The following RGS22 variants were observed in gnomAD, a reference collection of about 807,000 sequenced individuals.
RGS22 encodes the protein regulator of G-protein signaling 22.
Under a neutral mutation model 172.9 loss-of-function variants are expected in RGS22, and 148 were observed. The observed-to-expected ratio is 0.86, with a 90% CI of 0.75 to 0.98. RGS22 has a LOEUF of 0.98. Ranked by LOEUF, RGS22 falls within the 50% of genes least tolerant of loss-of-function variation. RGS22 has a pLI of 0.00. For missense variants in RGS22, 1,347 were observed against 1,440.8 expected (o/e 0.93, Z 1.05); for synonymous variants, 458 against 480.2 (o/e 0.95, Z 0.60).
intron 14 of RGS22, among the ~76,000 whole-genome samples, chr8:100,016,978 CTTTTTTTTTTTTTTTTTTTTTTTTT>C (rs71274949): frequency 8.3e-5 from 3 of 36,110 alleles, no homozygotes; most frequent in South Asian, 1.1e-3. Flanking sequence ...CCTTACCAGT[CTTTTTTTTTTTTTTTTTTTTTTTTT>C]TTTTTTTTTT....
chr8:100,040,184 A>C, intron 12 of RGS22, 97 bp from the exon 13 acceptor site: 1 of 1,059,282 alleles, frequency 9.4e-7, no homozygotes, highest in East Asian at 2.7e-5. Flanking sequence ...CCATGCTGTC[A>C]TTTTCCCACT....
At chr8:100,013,240 C>T (rs1266276035) in intron 14 of RGS22, among the ~76,000 whole-genome samples, 1 of 152,090 alleles carries the variant, frequency 6.6e-6, no homozygotes, top group African/African-American at 2.4e-5. Context: ...CCGCCCGCCT[C>T]GGCCTCCCAA....
At chr8:99,961,240 A>C in intron 27 of RGS22, 44 bp from the exon 28 acceptor site, 1 of 440,422 alleles carries the variant, frequency 2.3e-6, no homozygotes, top group Non-Finnish European at 4.5e-6. Flanking sequence ...ACATCTATAG[A>C]AAATATAAAT....
At chr8:100,041,286 C>T (rs143331872) in intron 12 of RGS22, among the ~76,000 whole-genome samples, 2,974 of 152,096 alleles carry the variant, frequency 0.02, 77 homozygotes, top group African/African-American at 0.064. Context: ...GTCAGGAGTG[C>T]GAGACCAGTC....
intron 17 of RGS22, 66 bp from the exon 18 acceptor site, chr8:100,002,430 C>T (rs1473379677): frequency 1.8e-5 from 27 of 1,469,690 alleles, no homozygotes; most frequent in South Asian, 3.9e-5. Flanking sequence ...AGTAAACACC[C>T]GATTGTTGTT....
rs200324346 is a variant in RGS22 at position 99,965,325 on chromosome 8, G to A, written c.3615+10C>T. ...GGGGAAATGAGGTCTGCACCATCTT[G>A]CATGCTTACCTGTCGGCCATATGGT... On this transcript the variant is annotated intron_variant, in intron 24 of 27. Coordinates refer to ENST00000360863, the MANE Select transcript of RGS22 (RefSeq NM_015668.5). 2 of 1,599,022 alleles carry A rather than the reference G, an allele frequency of 1.3e-6. No homozygotes were observed. The highest frequency in any genetic ancestry group is 1.7e-5 in the Admixed American group (1 of 59,936).
In RGS22 at chr8:99,962,784, GA is replaced by G; in HGVS notation, c.3710-18del. The G allele has an allele frequency of 6.3e-7, 1 of 1,591,000 alleles. No homozygotes were observed. Among genetic ancestry groups the G allele is most frequent in the Non-Finnish European group, 8.5e-7 (1 of 1,172,134 alleles). On this transcript the variant is annotated intron_variant, in intron 25 of 27. Transcript: ENST00000360863. ...GTTGCAAGCCTGCACAAAAATAAAAGAGATAAGAAAAACAGTAAAGTAAATA... is the reference window on the plus strand; with the variant it reads ...GTTGCAAGCCTGCACAAAAATAAAAGGATAAGAAAAACAGTAAAGTAAATA...
chr8:100,072,875 A>G (rs1301714275), intron 4 of RGS22, among the ~76,000 whole-genome samples: 1 of 152,182 alleles, frequency 6.6e-6, no homozygotes, highest in African/African-American at 2.4e-5. Flanking sequence ...GCAAAAGAGG[A>G]GACAAACCAT....
intron 14 of RGS22, among the ~76,000 whole-genome samples, chr8:100,022,350 C>G (rs948766303): frequency 3.9e-5 from 6 of 152,070 alleles, no homozygotes; most frequent in African/African-American, 1.4e-4. Flanking sequence ...TAGGATAAAA[C>G]AGTAAAACAA....
rs769630128 is a variant in RGS22, at chr8:100,040,069, C to A, written c.1957G>T (p.Val653Phe). 1 of 1,609,414 alleles carries A rather than the reference C, an allele frequency of 6.2e-7. No individual in the cohort carries two copies. Residue 653 changes from valine to phenylalanine, a missense_variant, in exon 13 of 28, where the codon GTT becomes TTT. Physicochemically the swap from Val to Phe is conservative, Grantham distance 50 (BLOSUM62 -1). Coordinates refer to ENST00000360863, the MANE Select transcript of RGS22 (RefSeq NM_015668.5). Reference sequence around the variant, plus strand: ...ATGTCAGATCCTCCCAAGGCACCAACATCTGACACGGTTTTAACCTAGATA... The same window carrying A: ...ATGTCAGATCCTCCCAAGGCACCAAAATCTGACACGGTTTTAACCTAGATA... ...EEPRVKTVSD[V>F]GALGGSDMEN... is the part of the protein sequence containing the mutation.
chr8:100,066,020 C>T (rs978010134), intron 7 of RGS22, 147 bp downstream of exon 7: 3 of 609,662 alleles, frequency 4.9e-6, no homozygotes, highest in Non-Finnish European at 8.1e-6. Flanking sequence ...AAAGTTGTCT[C>T]TCAAAAAACA....
At position 100,071,446 on chromosome 8, in the gene RGS22, GT is replaced by G; in HGVS notation, c.516del (p.Lys172AsnfsTer16). On this transcript the variant is annotated frameshift_variant, in exon 6 of 28. Coordinates refer to ENST00000360863, the MANE Select transcript of RGS22 (RefSeq NM_015668.5). LOFTEE classifies it high-confidence loss of function. ...GSNFSPWIVK[K>X]PPSLPPPATE... The stretch of plus-strand genomic sequence containing the variant: ...GTGGCAGGAGGTGGTAGACTGGGTG[GT>G]TTTTTCACGATCCAGGGAGAAAAAT... The G allele has an allele frequency of 1.2e-6, 2 of 1,613,334 alleles. No homozygotes were observed. Among genetic ancestry groups the G allele is most frequent in the Non-Finnish European group, 1.7e-6 (2 of 1,179,552 alleles).
chr8:100,029,379 C>T lies in RGS22; in HGVS notation c.2166+9552G>A, dbSNP rs185681155. ...ACTAATGCAGCTACAAACTATAACA[C>T]GTTTAAAATGATTAGAGACATCAAA... On this transcript the variant is annotated intron_variant, in intron 14 of 27. Transcript: ENST00000360863. Among the ~76,000 whole-genome samples the T allele has an allele frequency of 9.2e-5, 14 of 152,186 alleles. 1 individual carries two copies. In the East Asian group the frequency reaches 2.5e-3, roughly 27 times the overall value.
At chr8:100,000,282 C>T (rs576270382) in intron 18 of RGS22, among the ~76,000 whole-genome samples, 3 of 152,002 alleles carry the variant, frequency 2.0e-5, no homozygotes, top group Non-Finnish European at 4.4e-5. Flanking sequence ...ACTACTAATA[C>T]TATTGTTTTA....
At chr8:100,075,132 T>G (rs900546292) in intron 4 of RGS22, among the ~76,000 whole-genome samples, 1 of 152,120 alleles carries the variant, frequency 6.6e-6, no homozygotes, top group Non-Finnish European at 1.5e-5. Flanking sequence ...AGGAGTAGGA[T>G]AGATGGGCAG....
chr8:100,053,344 C>T (rs1337267707), intron 9 of RGS22, among the ~76,000 whole-genome samples: 3 of 151,500 alleles, frequency 2.0e-5, no homozygotes, highest in African/African-American at 4.9e-5. Flanking sequence ...TTTGCTTGAA[C>T]CCAGAAGGCG....
chr8:100,035,981 T>C (rs1819418042), intron 14 of RGS22, among the ~76,000 whole-genome samples: 2 of 151,956 alleles, frequency 1.3e-5, no homozygotes, highest in Admixed American at 6.6e-5. Flanking sequence ...TGGGGGTGGA[T>C]AGCATTAGGA....
At chr8:100,040,126 C>T (rs370998570) in intron 12 of RGS22, 39 bp from the exon 13 acceptor site, 1 of 1,578,824 alleles carries the variant, frequency 6.3e-7, no homozygotes, top group South Asian at 1.2e-5. Flanking sequence ...CACCCAAAAA[C>T]ATTGTAATTT....
At chr8:100,105,431 T>G (rs1403195732) in intron 1 of RGS22, 29 bp from the exon 2 acceptor site, 3 of 1,577,812 alleles carry the variant, frequency 1.9e-6, no homozygotes, top group Non-Finnish European at 2.6e-6. Context: ...TTACATTATC[T>G]CCCTCAAATC....
Sources: gnomAD v4.1 joint callset for allele counts (sites outside exome capture counted in the v4.1 genomes callset) on GRCh38, gnomAD v4.1.1 for gene constraint, MANE v1.5 for transcripts, NCBI Gene and HGNC (gene_info 2026-07-23, HGNC 2026-07-21) for gene names.